Variants in PPARA observed in about 807,000 individuals in gnomAD.
PPARA encodes the protein peroxisome proliferator-activated receptor alpha.
A neutral mutation model predicts 42.2 loss-of-function variants in PPARA; 22 were observed. The observed-to-expected ratio is 0.52, with a 90% CI of 0.37 to 0.74. The LOEUF is 0.74. PPARA is among the 30% of genes least tolerant of loss of function. The probability of loss-of-function intolerance (pLI) is 0.00; values close to 1 mark genes in which losing one functional copy is unlikely to be tolerated. For synonymous variants in PPARA, 242 were observed against 239.3 expected, an observed-to-expected ratio of 1.01 and a Z score of -0.10; for missense variants, 465 against 608.2, an observed-to-expected ratio of 0.76 and a Z score of 2.48.
intron 7 of PPARA, among the ~76,000 whole-genome samples, chr22:46,229,867 G>T (rs1031059095): frequency 1.3e-5 from 2 of 152,208 alleles, no homozygotes; most frequent in Admixed American, 1.3e-4. Context: ...TGGTTCTGTT[G>T]AAACATTCCA....
intron 4 of PPARA, among the ~76,000 whole-genome samples, chr22:46,213,724 G>A (rs1934167205): frequency 6.6e-6 from 1 of 152,052 alleles, no homozygotes; most frequent in Non-Finnish European, 1.5e-5. Context: ...CGAGTAGCTG[G>A]GACTACAGGC....
At chr22:46,201,269 A>G (rs140788913) in intron 4 of PPARA, among the ~76,000 whole-genome samples, 2 of 152,240 alleles carry the variant, frequency 1.3e-5, no homozygotes, top group East Asian at 3.9e-4. Context: ...AAAAGGTGGC[A>G]GTGTTCTCAG....
rs1205797485 is a variant in PPARA, at chr22:46,188,552, C to G, written c.-42-9790C>G. 6.6e-6 allele frequency among the ~76,000 whole-genome samples: 1 copy of G among 152,122 alleles called. No individual in the cohort carries two copies. The highest frequency in any genetic ancestry group is 1.5e-5 in the Non-Finnish European group (1 of 68,016). On this transcript the variant is annotated intron_variant, in intron 3 of 8. Transcript: ENST00000407236. This position sits in a 1 kb window ranked among gnomAD's most constrained non-coding sequence, Gnocchi z 5.0. ...TCACCTGCTAGTTGGGCAAGTTACT[C>G]ACTTCTCTCAACCTCTGCATTTTTC...
At chr22:46,155,180 GT>G (rs1000929094) in intron 2 of PPARA, 75 of 152,054 alleles carry the variant, frequency 4.9e-4, no homozygotes, top group African/African-American at 1.8e-3. Context: ...AGTAGTCAGT[GT>G]TTTTCTTTAA....
At position 46,216,440 on chromosome 22, in the gene PPARA, C is replaced by T. The variant is rs1476168501; in HGVS notation, c.369+1107C>T. On this transcript the variant is annotated intron_variant, in intron 5 of 8. Transcript: ENST00000407236. This position sits in a 1 kb window ranked among gnomAD's most constrained non-coding sequence, Gnocchi z 4.5. ...GCCACATTAAGAACATCACTTCATT[C>T]GAATACAAGACAGAGAGCTGTTACC... Among the ~76,000 whole-genome samples, 2 of 151,918 alleles carry T rather than the reference C, an allele frequency of 1.3e-5. No homozygotes were observed. Among genetic ancestry groups the T allele is most frequent in the South Asian group, 2.1e-4 (1 of 4,818 alleles).
At position 46,227,722 on chromosome 22, in the gene PPARA, G is replaced by A. The variant is rs1935571021; in HGVS notation, c.712-4070G>A. Among the ~76,000 whole-genome samples the A allele has an allele frequency of 6.6e-6, 1 of 152,202 alleles. No homozygotes were observed. Among genetic ancestry groups the A allele is most frequent in the South Asian group, 2.1e-4 (1 of 4,838 alleles). On this transcript the variant is annotated intron_variant, in intron 7 of 8. Transcript: ENST00000407236. This position sits in a 1 kb window ranked among gnomAD's most constrained non-coding sequence, Gnocchi z 4.3. The stretch of plus-strand genomic sequence containing the variant: ...TTGGGGAAAATCTAGGCAGCTTCCT[G>A]CCTCACGCTGTTTAAAACCTTTATA...
At chr22:46,186,219 C>G (rs368542264) in intron 3 of PPARA, among the ~76,000 whole-genome samples, 2 of 151,992 alleles carry the variant, frequency 1.3e-5, no homozygotes, top group East Asian at 1.9e-4. Flanking sequence ...ATTTGCAGCA[C>G]ACTGCATCAT....
At chr22:46,213,403 CTTTTTTTTT>C in intron 4 of PPARA, among the ~76,000 whole-genome samples, 1 of 134,854 alleles carries the variant, frequency 7.4e-6, no homozygotes, top group Admixed American at 7.5e-5. Context: ...CATTTTCTTT[CTTTTTTTTT>C]TTTTTTTTCC....
chr22:46,153,890 G>A (rs976713355), intron 2 of PPARA, among the ~76,000 whole-genome samples: 56 of 152,092 alleles, frequency 3.7e-4, no homozygotes, highest in African/African-American at 1.3e-3. Context: ...GAGAGAGACA[G>A]AACTAGACAG....
At chr22:46,186,226 T>A (rs947636338) in intron 3 of PPARA, among the ~76,000 whole-genome samples, 3 of 151,954 alleles carry the variant, frequency 2.0e-5, no homozygotes, top group Non-Finnish European at 4.4e-5. Flanking sequence ...GCACACTGCA[T>A]CATTTTATTT....
rs11704508 is a variant in PPARA at position 46,242,643 on chromosome 22, A to G, written c.*7263A>G. 0.077 allele frequency: 11,813 copies of G among 152,544 alleles called. 593 individuals carry two copies. The highest frequency in any genetic ancestry group is 0.11 in the Non-Finnish European group (7,643 of 68,006). The allele number at this position is 152,544 out of a possible 1,614,324, so 9.4% of individuals were successfully genotyped here. A position where few individuals can be genotyped will look rare whatever the true frequency, so the allele number is the denominator to read the frequency against. On this transcript the variant is annotated 3_prime_UTR_variant, in exon 9 of 9. Transcript: ENST00000407236. This position sits in a 1 kb window ranked among gnomAD's most constrained non-coding sequence, Gnocchi z 6.1. ...TTGAAATCAGTGTTAATTGACTCAT[A>G]TTCTTAAAAGCCTGGCTCTTGACCC...
At chr22:46,185,895 CAA>C (rs1162861606) in intron 3 of PPARA, among the ~76,000 whole-genome samples, 405 of 19,648 alleles carry the variant, frequency 0.021, 11 homozygotes, top group Non-Finnish European at 0.028. Flanking sequence ...ACTCCGTCTC[CAA>C]AAAAAAAAAA....
chr22:46,185,514 T>G (rs1434267203), intron 3 of PPARA, among the ~76,000 whole-genome samples: 1 of 152,110 alleles, frequency 6.6e-6, no homozygotes, highest in Admixed American at 6.6e-5. Flanking sequence ...AGAAGTACAT[T>G]CAGAACTTGT....
chr22:46,151,384 T>C (rs1924403943), intron 1 of PPARA, among the ~76,000 whole-genome samples: 1 of 152,138 alleles, frequency 6.6e-6, no homozygotes, highest in Non-Finnish European at 1.5e-5. Flanking sequence ...CCCAGGTCTT[T>C]CCGGAGTCCC....
chr22:46,172,573 G>C (rs996372818), intron 2 of PPARA, among the ~76,000 whole-genome samples: 4 of 152,096 alleles, frequency 2.6e-5, no homozygotes, highest in Admixed American at 2.6e-4. Context: ...AGCTGAGATC[G>C]TGCCACTGCA....
intron 7 of PPARA, among the ~76,000 whole-genome samples, chr22:46,223,291 C>G (rs998694655): frequency 3.9e-5 from 6 of 152,190 alleles, no homozygotes; most frequent in Non-Finnish European, 8.8e-5. Flanking sequence ...TCACCCTCAG[C>G]TGAGGGTCAC....
At position 46,235,108 on chromosome 22, in the gene PPARA, C is replaced by T. The variant is rs1555962920; in HGVS notation, c.1160-25C>T. On this transcript the variant is annotated intron_variant, in intron 8 of 8. Transcript: ENST00000407236. This position sits in a 1 kb window ranked among gnomAD's most constrained non-coding sequence, Gnocchi z 7.0. ...TTCTTGGGTGATTATCACACTCAAA[C>T]CTCTCTCTCTTCTTTCGAGACTAGA... The T allele has an allele frequency of 1.2e-6, 2 of 1,613,848 alleles. No individual in the cohort carries two copies. Among genetic ancestry groups the T allele is most frequent in the Non-Finnish European group, 1.7e-6 (2 of 1,179,786 alleles).
rs1928439751 is a variant in PPARA at position 46,173,671 on chromosome 22, C to T, written c.-126-3082C>T. ...ACCTGACTCTGAACAGCATCCAGTA[C>T]TGAAGGAGGAAAAATGCTATCAAGG... On this transcript the variant is annotated intron_variant, in intron 2 of 8. Coordinates refer to ENST00000407236, the MANE Select transcript of PPARA (RefSeq NM_005036.6). The surrounding 1 kb of genome is among the most constrained non-coding windows in gnomAD (Gnocchi z 4.3). 6.6e-6 allele frequency among the ~76,000 whole-genome samples: 1 copy of T among 152,096 alleles called. No homozygotes were observed. The highest frequency in any genetic ancestry group is 2.1e-4 in the South Asian group (1 of 4,824).
In PPARA at chr22:46,216,251, T is replaced by C. The variant is rs1934475128; in HGVS notation, c.369+918T>C. Among the ~76,000 whole-genome samples, 1 of 151,700 alleles carries C rather than the reference T, an allele frequency of 6.6e-6. No individual in the cohort carries two copies. The highest frequency in any genetic ancestry group is 6.6e-5 in the Admixed American group (1 of 15,178). On this transcript the variant is annotated intron_variant, in intron 5 of 8. Coordinates refer to ENST00000407236, the MANE Select transcript of PPARA (RefSeq NM_005036.6). This position sits in a 1 kb window ranked among gnomAD's most constrained non-coding sequence, Gnocchi z 4.5. ...TACAAAAATTAGCCAGGTGTGGTGG[T>C]GGGTGCCTGTAATCCCAGCTACTTG...
Sources: allele counts gnomAD v4.1 joint callset (sites outside exome capture counted in the v4.1 genomes callset), GRCh38; gene constraint gnomAD v4.1.1; non-coding constraint Gnocchi (gnomAD v3.1); transcripts MANE v1.5; gene names NCBI Gene and HGNC (gene_info 2026-07-23, HGNC 2026-07-21).